The following MDN1 variants were observed in gnomAD, a reference collection of about 807,000 sequenced individuals.
The protein encoded by MDN1 is midasin AAA ATPase 1, also known as midasin.
In MDN1, 266 loss-of-function variants were observed where a neutral mutation model predicts 669.2. The ratio of observed to expected loss-of-function variants is 0.40; its 90% confidence interval spans 0.36 to 0.44. MDN1 has a LOEUF of 0.44. Ranked by LOEUF, MDN1 falls within the 20% of genes least tolerant of loss-of-function variation. The pLI is 1.00. For missense variants in MDN1, 5,940 were observed against 6,754.0 expected (o/e 0.88, Z 4.22); for synonymous variants, 2,385 against 2,457.1 (o/e 0.97, Z 0.87).
intron 1 of MDN1, among the ~76,000 whole-genome samples, chr6:89,807,904 G>GT (rs562774693): frequency 6.6e-6 from 1 of 151,500 alleles, no homozygotes; most frequent in Non-Finnish European, 1.5e-5. Flanking sequence ...GGTTTCACTT[G>GT]TTTTTTTTCA....
At chr6:89,796,311 C>A (rs1169748566) in intron 2 of MDN1, among the ~76,000 whole-genome samples, 1 of 55,396 alleles carries the variant, frequency 1.8e-5, no homozygotes, top group African/African-American at 8.9e-5. Context: ...GCGACAAGAG[C>A]AAAACTCTGT....
At chr6:89,683,773 C>T (rs1454943881) in intron 72 of MDN1, 58 bp downstream of exon 72, 1 of 1,341,676 alleles carries the variant, frequency 7.5e-7, no homozygotes. Context: ...CGTTTTGCTC[C>T]CTACCACACA....
At chr6:89,659,946 G>A (rs1191608696) in intron 88 of MDN1, among the ~76,000 whole-genome samples, 10 of 151,854 alleles carry the variant, frequency 6.6e-5, no homozygotes, top group African/African-American at 1.9e-4. Flanking sequence ...GGCATGCAGC[G>A]GTGCCATCTT....
intron 57 of MDN1, 83 bp downstream of exon 57, chr6:89,699,980 G>A: frequency 7.5e-7 from 1 of 1,337,092 alleles, no homozygotes; most frequent in Non-Finnish European, 1.0e-6. Flanking sequence ...TATCAAGTCT[G>A]TGGTTTGTTT....
At chr6:89,783,353 G>T (rs979084408) in intron 9 of MDN1, among the ~76,000 whole-genome samples, 4 of 152,108 alleles carry the variant, frequency 2.6e-5, no homozygotes, top group Admixed American at 1.3e-4. Context: ...GATACACCCT[G>T]GTCTCCTGCA....
At position 89,702,071 on chromosome 6, in the gene MDN1, A is replaced by C. The variant is rs2128310067; in HGVS notation, c.8149-10T>G. Reference sequence around the variant, plus strand: ...GCAGAGAACCTAAGATCTAAAAACAAAGTCTCTTAGATAAGATGGCATGAA... The same window carrying C: ...GCAGAGAACCTAAGATCTAAAAACACAGTCTCTTAGATAAGATGGCATGAA... On this transcript the variant is annotated splice_polypyrimidine_tract_variant and intron_variant, in intron 53 of 101. Transcript: ENST00000369393. The C allele has an allele frequency of 6.3e-7, 1 of 1,584,206 alleles. No homozygotes were observed. The highest frequency in any genetic ancestry group is 1.9e-5 in the Admixed American group (1 of 51,936).
Position 89,650,734 on chromosome 6 carries a change from C to T in MDN1, c.16029G>A (p.Leu5343=). ...LILEPTQAAK[L]KGDYRTGKRL... Reference sequence around the variant, plus strand: ...GCCTTCCAGAGGGGAAGACTTACTTCAGCTTGGCTGCCTGGGTAGGCTCTA... The same window carrying T: ...GCCTTCCAGAGGGGAAGACTTACTTTAGCTTGGCTGCCTGGGTAGGCTCTA... Residue 5343 remains leucine, a splice_region_variant and synonymous_variant, in exon 96 of 102, where the codon CTG becomes CTA. Transcript: ENST00000369393. 1 of 1,613,492 alleles carries T rather than the reference C, an allele frequency of 6.2e-7. No individual in the cohort carries two copies. The highest frequency in any genetic ancestry group is 1.1e-5 in the South Asian group (1 of 91,042).
At chr6:89,686,020 C>A in intron 69 of MDN1, 47 bp from the exon 70 acceptor site, 1 of 1,574,672 alleles carries the variant, frequency 6.4e-7, no homozygotes, top group Non-Finnish European at 8.6e-7. Context: ...TCGACCATGA[C>A]TCCCTATTCC....
At chr6:89,725,057 T>C (rs1019304148) in intron 38 of MDN1, 142 bp downstream of exon 38, 1 of 735,694 alleles carries the variant, frequency 1.4e-6, no homozygotes, top group African/African-American at 1.8e-5. Context: ...GTCACATTAA[T>C]ATTGATCATA....
At chr6:89,790,439 C>A in intron 5 of MDN1, 38 bp from the exon 6 acceptor site, 2 of 1,612,046 alleles carry the variant, frequency 1.2e-6, no homozygotes, top group South Asian at 2.2e-5. Flanking sequence ...AAGAAGAGTT[C>A]TTCCCCCAAG....
At chr6:89,701,729 A>G in intron 54 of MDN1, 51 bp from the exon 55 acceptor site, 1 of 1,575,542 alleles carries the variant, frequency 6.3e-7, no homozygotes, top group South Asian at 1.2e-5. Context: ...GGGAAATGCT[A>G]GACAGTAAGA....
At position 89,705,997 on chromosome 6, in the gene MDN1, A is replaced by G. The variant is rs1490387954; in HGVS notation, c.8148+62T>C. 10 of 1,451,054 alleles carry G rather than the reference A, an allele frequency of 6.9e-6. No homozygotes were observed. The East Asian group carries it at 2.1e-4, about 30-fold the overall frequency. 89.9% of individuals were successfully genotyped at this position (1,451,054 alleles called of 1,614,324 possible). On this transcript the variant is annotated intron_variant, in intron 53 of 101. Coordinates refer to ENST00000369393, the MANE Select transcript of MDN1 (RefSeq NM_014611.3). ...ACTAAAGTTAGTCTTAGCCCTAAGA[A>G]TCTTTATGCCAAGAAAGATAAATTT...
intron 73 of MDN1, among the ~76,000 whole-genome samples, chr6:89,682,713 A>ACC (rs202231200): frequency 7.8e-6 from 1 of 127,694 alleles, no homozygotes; most frequent in South Asian, 2.5e-4. Context: ...AAAAAAAAAA[A>ACC]AAAAAAAAAA....
Position 89,696,717 on chromosome 6 carries a change from C to T in MDN1, c.9169-143G>A, listed in dbSNP as rs1248460162. The T allele has an allele frequency of 7.8e-6, 5 of 637,414 alleles. No homozygotes were observed. In the Admixed American group the frequency reaches 1.3e-4, roughly 17 times the overall value. The allele number at this position is 637,414 out of a possible 1,614,324, so 39.5% of individuals were successfully genotyped here. A position where few individuals can be genotyped will look rare whatever the true frequency, so the allele number is the denominator to read the frequency against. ...TCACTCAGAGACTGGCCTAGAAGGACAGAACAGGTTAGTATACCTTAAATG... is the reference window on the plus strand; with the variant it reads ...TCACTCAGAGACTGGCCTAGAAGGATAGAACAGGTTAGTATACCTTAAATG... On this transcript the variant is annotated intron_variant, in intron 59 of 101. Coordinates refer to ENST00000369393, the MANE Select transcript of MDN1 (RefSeq NM_014611.3).
At chr6:89,736,872 A>G (rs1434128092) in intron 33 of MDN1, among the ~76,000 whole-genome samples, 1 of 152,192 alleles carries the variant, frequency 6.6e-6, no homozygotes, top group Admixed American at 6.5e-5. Context: ...CAAACAGCAC[A>G]CAAGAGTCAT....
intron 5 of MDN1, among the ~76,000 whole-genome samples, chr6:89,793,536 G>T (rs1819392746): frequency 6.6e-6 from 1 of 152,166 alleles, no homozygotes; most frequent in Non-Finnish European, 1.5e-5. Context: ...AACATAGTGA[G>T]ACCCCGTCTC....
At chr6:89,747,247 C>T in intron 27 of MDN1, 82 bp downstream of exon 27, 1 of 1,500,090 alleles carries the variant, frequency 6.7e-7, no homozygotes, top group Non-Finnish European at 9.0e-7. Context: ...GTATCAATCA[C>T]AATTTGAGGC....
At chr6:89,781,326 G>A (rs1818659977) in intron 10 of MDN1, 73 bp downstream of exon 10, 2 of 1,472,346 alleles carry the variant, frequency 1.4e-6, no homozygotes, top group African/African-American at 1.4e-5. Flanking sequence ...ACTCCAGCCT[G>A]GGTAACAGAG....
chr6:89,772,764 T>C, intron 13 of MDN1, 43 bp from the exon 14 acceptor site: 1 of 1,597,508 alleles, frequency 6.3e-7, no homozygotes, highest in South Asian at 1.1e-5. Flanking sequence ...CGCTGCAAGC[T>C]TCTCCTAGTT....
Sources: allele counts gnomAD v4.1 joint callset (sites outside exome capture counted in the v4.1 genomes callset), GRCh38; gene constraint gnomAD v4.1.1; transcripts MANE v1.5; gene names NCBI Gene and HGNC (gene_info 2026-07-23, HGNC 2026-07-21).